PSME4: variants seen among roughly 807,000 people sequenced by gnomAD.
The protein encoded by PSME4 is proteasome activator complex subunit 4.
PSME4 carries 89 observed loss-of-function variants against 253.9 expected under a neutral mutation model. The observed-to-expected ratio is 0.35, with a 90% CI of 0.30 to 0.42. The LOEUF (loss-of-function observed/expected upper bound fraction) is 0.42. PSME4 is among the 10% of genes least tolerant of loss of function. The pLI is 1.00. For missense variants in PSME4, 2,014 were observed against 2,195.2 expected (o/e 0.92, Z 1.65); for synonymous variants, 851 against 759.2 (o/e 1.12, Z -1.99).
chr2:53,867,481 A>G (rs891330621), intron 44 of PSME4, among the ~76,000 whole-genome samples: 2 of 146,010 alleles, frequency 1.4e-5, no homozygotes, highest in Non-Finnish European at 3.0e-5. Flanking sequence ...CCTGGGATAC[A>G]GAGTGAGGCT....
rs1553338492 is a variant in PSME4 at position 53,940,998 on chromosome 2, T to TATATATATATATGA, written c.501-999_501-998insTCATATATATATAT. On this transcript the variant is annotated intron_variant, in intron 3 of 46. Coordinates refer to ENST00000404125, the MANE Select transcript of PSME4 (RefSeq NM_014614.3). ...ATATATATATATATATATATATATA[T>TATATATATATATGA]ATGAAAGGAGTAAGTTTCAGGCAAT... Among the ~76,000 whole-genome samples, 54 of 85,896 alleles carry TATATATATATATGA rather than the reference T, an allele frequency of 6.3e-4. 5 individuals carry two copies. Among genetic ancestry groups the TATATATATATATGA allele is most frequent in the South Asian group, 1.4e-3 (3 of 2,100 alleles). 56.4% of individuals were successfully genotyped at this position (85,896 alleles called of 152,430 possible).
At chr2:53,956,062 CGCTTGAGCCCAGGA>C (rs1670224368) in intron 1 of PSME4, among the ~76,000 whole-genome samples, 1 of 148,864 alleles carries the variant, frequency 6.7e-6, no homozygotes, top group African/African-American at 2.5e-5. Flanking sequence ...CCCAGGAGAT[CGCTTGAGCCCAGGA>C]GCTTGAGACC....
At chr2:53,937,109 T>C (rs1473452682) in intron 5 of PSME4, among the ~76,000 whole-genome samples, 1 of 152,200 alleles carries the variant, frequency 6.6e-6, no homozygotes, top group Non-Finnish European at 1.5e-5. Context: ...TCTACCTCCT[T>C]TTCCCTGCCC....
At chr2:53,877,161 TA>T (rs1322575253) in intron 41 of PSME4, among the ~76,000 whole-genome samples, 4 of 146,168 alleles carry the variant, frequency 2.7e-5, no homozygotes, top group Non-Finnish European at 4.4e-5. Flanking sequence ...AAAGCTTTAA[TA>T]AAGTTTGCTA....
At chr2:53,916,647 G>A (rs1475870357) in intron 20 of PSME4, among the ~76,000 whole-genome samples, 1 of 152,102 alleles carries the variant, frequency 6.6e-6, no homozygotes, top group Non-Finnish European at 1.5e-5. Flanking sequence ...TTTAGATTTA[G>A]AAGATTTGAA....
chr2:53,867,463 T>A, intron 44 of PSME4, among the ~76,000 whole-genome samples: 1 of 141,930 alleles, frequency 7.0e-6, no homozygotes, highest in Non-Finnish European at 1.5e-5. Flanking sequence ...CGCACCACTG[T>A]ACTCCAGCCT....
intron 34 of PSME4, 80 bp downstream of exon 34, chr2:53,894,927 A>T: frequency 8.1e-7 from 1 of 1,229,292 alleles, no homozygotes; most frequent in Non-Finnish European, 1.2e-6. Flanking sequence ...AAAAAGAAGA[A>T]GAAGAACTGA....
chr2:53,923,415 G>A lies in PSME4; in HGVS notation c.1814C>T (p.Ala605Val). 2 of 1,597,964 alleles carry A rather than the reference G, an allele frequency of 1.3e-6. No homozygotes were observed. The highest frequency in any genetic ancestry group is 1.1e-5 in the South Asian group (1 of 87,040). ...AGAAAAATTAAAAACCTTCTGAAGGGCCACCTGTTAAGATATGAAAATGTT... is the reference window on the plus strand; with the variant it reads ...AGAAAAATTAAAAACCTTCTGAAGGACCACCTGTTAAGATATGAAAATGTT... Reference protein sequence around the residue: ...TQCSKEIFMVALQKVFNFSTS... With the variant: ...TQCSKEIFMVVLQKVFNFSTS... The change falls in exon 15 of 47, where the codon GCC becomes GTC. Residue 605 changes from alanine (A) to valine (V), a missense_variant. Physicochemically the swap from Ala to Val is moderately conservative, Grantham distance 64. Coordinates refer to ENST00000404125, the MANE Select transcript of PSME4 (RefSeq NM_014614.3).
At chr2:53,953,831 T>C (rs1024454623) in intron 1 of PSME4, among the ~76,000 whole-genome samples, 2 of 152,174 alleles carry the variant, frequency 1.3e-5, no homozygotes, top group Non-Finnish European at 2.9e-5. Context: ...CTGAAAACCC[T>C]GGTAAACAGT....
At position 53,970,919 on chromosome 2, in the gene PSME4, G is replaced by C; in HGVS notation, c.-135C>G. 1.4e-6 allele frequency: 1 copy of C among 699,604 alleles called. No homozygotes were observed. The highest frequency in any genetic ancestry group is 2.5e-5 in the South Asian group (1 of 40,244). 43.3% of individuals were successfully genotyped at this position (699,604 alleles called of 1,614,324 possible). A position where few individuals can be genotyped will look rare whatever the true frequency, so the allele number is the denominator to read the frequency against. ...CCCGTCGCCCTCGGACCGATCGCTAGGCCCCCTTCCCTGGCCGGCGTGCTG... is the reference window on the plus strand; with the variant it reads ...CCCGTCGCCCTCGGACCGATCGCTACGCCCCCTTCCCTGGCCGGCGTGCTG... On this transcript the variant is annotated 5_prime_UTR_variant, in exon 1 of 47. Transcript: ENST00000404125.
intron 1 of PSME4, among the ~76,000 whole-genome samples, chr2:53,968,940 CT>C (rs1250259352): frequency 1.3e-5 from 2 of 152,110 alleles, no homozygotes; most frequent in Admixed American, 1.3e-4. Context: ...GCAGATATGC[CT>C]TCACACCATG....
chr2:53,896,877 G>C lies in PSME4; in HGVS notation c.3615C>G (p.Ile1205Met), dbSNP rs1680160990. The change falls in exon 32 of 47, where the codon ATC becomes ATG. Residue 1205 changes from isoleucine to methionine, a missense_variant. Physicochemically the swap from Ile to Met is conservative, Grantham distance 10. Around this residue, in one of 4 missense-constraint regions of PSME4, gnomAD observed 989 missense variants for 1,021.1 expected, o/e 0.97. Coordinates refer to ENST00000404125, the MANE Select transcript of PSME4 (RefSeq NM_014614.3). ...HDAIVVRKMAISAVAGILKQL... is the reference protein window; with the variant it reads ...HDAIVVRKMAMSAVAGILKQL... ...GTTTAAGGATACCAGCAACAGCTGA[G>C]ATAGCCATCTAGAAAAGGAAAAAGG... 1 of 1,610,272 alleles carries C rather than the reference G, an allele frequency of 6.2e-7. No homozygotes were observed.
intron 30 of PSME4, 84 bp from the exon 31 acceptor site, chr2:53,898,083 TTA>T (rs1680225008): frequency 3.4e-6 from 5 of 1,465,386 alleles, no homozygotes; most frequent in Non-Finnish European, 4.6e-6. Context: ...CCTTATAATT[TTA>T]AATTTCTCAA....
intron 1 of PSME4, among the ~76,000 whole-genome samples, chr2:53,963,713 A>G (rs1670593778): frequency 6.6e-6 from 1 of 152,220 alleles, no homozygotes; most frequent in South Asian, 2.1e-4. Context: ...AAAAAATGCA[A>G]ATGAAATGGA....
Position 53,901,447 on chromosome 2 carries a change from T to C in PSME4, c.3188A>G (p.Gln1063Arg). The C allele has an allele frequency of 1.2e-6, 2 of 1,614,118 alleles. No individual in the cohort carries two copies. Among genetic ancestry groups the C allele is most frequent in the South Asian group, 2.2e-5 (2 of 91,080 alleles). The stretch of plus-strand genomic sequence containing the variant: ...TGATGGCTTTTCCAGGGACATTGCT[T>C]GGCTAAGCCCTGAAGAAACAATCGC... ...WPAIVSSGLS[Q>R]AMSLEKPSIV... is the part of the protein sequence containing the mutation. Residue 1063 changes from glutamine (Q) to arginine (R), a missense_variant, in exon 28 of 47, where the codon CAA (glutamine) becomes CGA (arginine). Coordinates refer to ENST00000404125, the MANE Select transcript of PSME4 (RefSeq NM_014614.3).
At position 53,890,154 on chromosome 2, in the gene PSME4, T is replaced by C. The variant is rs367856534; in HGVS notation, c.4246A>G (p.Ile1416Val). Residue 1416 changes from isoleucine (I) to valine (V), a missense_variant, in exon 37 of 47, where the codon ATT becomes GTT. Around this residue, in one of 4 missense-constraint regions of PSME4, gnomAD observed 403 missense variants for 556.1 expected, o/e 0.72. Coordinates refer to ENST00000404125, the MANE Select transcript of PSME4 (RefSeq NM_014614.3). The stretch of plus-strand genomic sequence containing the variant: ...CAGTCATTATAAGTTTCTACGGTAA[T>C]ATTGGACAGTGCTGTTCTAAGCAGA... The part of the protein sequence containing the change: ...CPLLRTALSN[I>V]TVETYNDWGA... 2.7e-5 allele frequency: 44 copies of C among 1,613,826 alleles called. No homozygotes were observed. The highest frequency in any genetic ancestry group is 3.7e-5 in the Non-Finnish European group (44 of 1,179,914).
At position 53,895,062 on chromosome 2, in the gene PSME4, T is replaced by A; in HGVS notation, c.3857A>T (p.Tyr1286Phe). 3.1e-6 allele frequency: 5 copies of A among 1,612,268 alleles called. No homozygotes were observed. The highest frequency in any genetic ancestry group is 4.2e-6 in the Non-Finnish European group (5 of 1,179,624). ...CTTAGGCTGCTCTTCCACACCAGCATAAACAACCATATTCCTATATAGTAA... is the reference window on the plus strand; with the variant it reads ...CTTAGGCTGCTCTTCCACACCAGCAAAAACAACCATATTCCTATATAGTAA... ...YYTWPKNMVV[Y>F]AGVEEQPKLG... is the part of the protein sequence containing the mutation. The change falls in exon 34 of 47, where the codon TAT becomes TTT. Residue 1286 changes from tyrosine (Y) to phenylalanine (F), a missense_variant. Physicochemically the swap from Tyr to Phe is conservative, Grantham distance 22 (BLOSUM62 3). Around this residue, in one of 4 missense-constraint regions of PSME4, gnomAD observed 989 missense variants for 1,021.1 expected, o/e 0.97. Transcript: ENST00000404125.
rs745397715 is a variant in PSME4 at position 53,906,871 on chromosome 2, G to A, written c.2785-3C>T. The A allele has an allele frequency of 6.2e-7, 1 of 1,612,348 alleles. No individual in the cohort carries two copies. Among genetic ancestry groups the A allele is most frequent in the Non-Finnish European group, 8.5e-7 (1 of 1,179,174 alleles). ...ATATGTTGTTTTTTCCCATGGAGCTGGAAAACAAAGTAGCAACAAATACTT... is the reference window on the plus strand; with the variant it reads ...ATATGTTGTTTTTTCCCATGGAGCTAGAAAACAAAGTAGCAACAAATACTT... On this transcript the variant is annotated splice_region_variant and splice_polypyrimidine_tract_variant and intron_variant, in intron 24 of 46. Coordinates refer to ENST00000404125, the MANE Select transcript of PSME4 (RefSeq NM_014614.3).
intron 1 of PSME4, among the ~76,000 whole-genome samples, chr2:53,965,588 T>C (rs959984912): frequency 5.3e-5 from 8 of 151,440 alleles, no homozygotes; most frequent in Admixed American, 2.6e-4. Context: ...ATCAAGGAAG[T>C]ATTTTTTTTT....
Sources: allele counts gnomAD v4.1 joint callset (sites outside exome capture counted in the v4.1 genomes callset), GRCh38; gene constraint gnomAD v4.1.1; regional missense constraint gnomAD v4.1.1; transcripts MANE v1.5; gene names NCBI Gene and HGNC (gene_info 2026-07-23, HGNC 2026-07-21).